BMP1: variants seen among roughly 807,000 people sequenced by gnomAD.
The protein encoded by BMP1 is bone morphogenetic protein 1, also known as mammalian tolloid protein.
Under a neutral mutation model 116.8 loss-of-function variants are expected in BMP1, and 63 were observed. The observed-to-expected ratio is 0.54, with a 90% CI of 0.44 to 0.67. The LOEUF (loss-of-function observed/expected upper bound fraction) is 0.67. Among genes scored for constraint, BMP1 ranks in the 30% least tolerant of loss-of-function variants. The pLI is 0.00. For synonymous variants in BMP1, 536 were observed against 533.4 expected (o/e 1.00, Z -0.07); for missense variants, 1,183 against 1,358.9 (o/e 0.87, Z 2.04).
At chr8:22,205,581 C>T (rs1189428822) in intron 16 of BMP1, among the ~76,000 whole-genome samples, 2 of 151,982 alleles carry the variant, frequency 1.3e-5, no homozygotes, top group Non-Finnish European at 2.9e-5. Flanking sequence ...TTGACATCAG[C>T]CTGGGCAACA....
chr8:22,197,591 T>G (rs1449826078), intron 15 of BMP1, among the ~76,000 whole-genome samples, 171 bp downstream of exon 15: 1 of 152,062 alleles, frequency 6.6e-6, no homozygotes, highest in Admixed American at 6.6e-5. Flanking sequence ...CCTTCCAGTA[T>G]CCAAATCTCA....
Position 22,211,678 on chromosome 8 carries a change from C to T in BMP1, c.2911C>T (p.Leu971=), listed in dbSNP as rs1829464329. Reference sequence around the variant, plus strand: ...CACCATCACCAAAAAAGGTTTCCACCTGCGATACACCAGCACCAAGTTCCA... The same window carrying T: ...CACCATCACCAAAAAAGGTTTCCACTTGCGATACACCAGCACCAAGTTCCA... ...DDTITKKGFH[L]RYTSTKFQDT... Residue 971 remains leucine, a synonymous_variant, in exon 20 of 20, where the codon CTG becomes TTG. Coordinates refer to ENST00000306385, the MANE Select transcript of BMP1 (RefSeq NM_006129.5). 6.2e-7 allele frequency: 1 copy of T among 1,614,182 alleles called. No homozygotes were observed. Among genetic ancestry groups the T allele is most frequent in the African/African-American group, 1.3e-5 (1 of 75,058 alleles).
Position 22,191,949 on chromosome 8 carries a change from A to T in BMP1, c.1078-100A>T. 4.7e-6 allele frequency: 5 copies of T among 1,062,358 alleles called. No homozygotes were observed. In the South Asian group the frequency reaches 5.7e-5, roughly 12 times the overall value. 65.8% of individuals were successfully genotyped at this position (1,062,358 alleles called of 1,614,324 possible). A position where few individuals can be genotyped will look rare whatever the true frequency, so the allele number is the denominator to read the frequency against. On this transcript the variant is annotated intron_variant, in intron 8 of 19. Coordinates refer to ENST00000306385, the MANE Select transcript of BMP1 (RefSeq NM_006129.5). ...AGCCCCTTAACTCTCGCCCAGGGGG[A>T]CCTGCCTCGCGTAAGGCGGGCGGTG...
intron 8 of BMP1, among the ~76,000 whole-genome samples, chr8:22,187,125 G>A (rs1295566687): frequency 4.0e-5 from 6 of 151,128 alleles, no homozygotes; most frequent in Admixed American, 6.6e-5. Context: ...CAAGTAACCG[G>A]GACTACTGGC....
chr8:22,172,040 C>T (rs1025687272), intron 1 of BMP1, among the ~76,000 whole-genome samples: 1 of 152,190 alleles, frequency 6.6e-6, no homozygotes, highest in Non-Finnish European at 1.5e-5. Context: ...CCTTGGGTGT[C>T]TGATTCTGTA....
chr8:22,192,044 C>A lies in BMP1; in HGVS notation c.1078-5C>A. On this transcript the variant is annotated splice_polypyrimidine_tract_variant and splice_region_variant and intron_variant, in intron 8 of 19. Transcript: ENST00000306385. ...CTTAACCCTCTTCCTCCCCTGTTGC[C>A]CTAGATCATCCTGAACTTCACGTCC... 1 of 1,612,054 alleles carries A rather than the reference C, an allele frequency of 6.2e-7. No homozygotes were observed. The highest frequency in any genetic ancestry group is 8.5e-7 in the Non-Finnish European group (1 of 1,178,246).
intron 12 of BMP1, among the ~76,000 whole-genome samples, 159 bp downstream of exon 12, chr8:22,195,078 G>A (rs926585422): frequency 6.6e-6 from 1 of 152,172 alleles, no homozygotes; most frequent in African/African-American, 2.4e-5. Context: ...GGGAGAAGAG[G>A]TCCCCCAATG....
chr8:22,187,939 C>G (rs1184081561), intron 8 of BMP1, among the ~76,000 whole-genome samples: 1 of 152,056 alleles, frequency 6.6e-6, no homozygotes, highest in Non-Finnish European at 1.5e-5. Context: ...GTTGATGGGC[C>G]TAAAGATCAT....
chr8:22,208,206 A>T (rs568605730), intron 18 of BMP1, among the ~76,000 whole-genome samples: 1 of 152,314 alleles, frequency 6.6e-6, no homozygotes, highest in East Asian at 1.9e-4. Context: ...ACTTATTGAC[A>T]TGTAACATGG....
chr8:22,184,936 C>G (rs531111686), intron 8 of BMP1, among the ~76,000 whole-genome samples: 3 of 152,188 alleles, frequency 2.0e-5, no homozygotes, highest in Non-Finnish European at 4.4e-5. Context: ...TCATTTGCCT[C>G]CCAATTCTCA....
chr8:22,207,566 G>T, intron 18 of BMP1, 50 bp downstream of exon 18: 1 of 1,594,234 alleles, frequency 6.3e-7, no homozygotes. Context: ...CTCCAAGACT[G>T]GGGTAGAGTC....
In BMP1 at chr8:22,173,618, C is replaced by T. The variant is rs370564756; in HGVS notation, c.165C>T (p.Asp55=). 3.1e-6 allele frequency: 5 copies of T among 1,611,898 alleles called. No individual in the cohort carries two copies. Among genetic ancestry groups the T allele is most frequent in the Non-Finnish European group, 4.2e-6 (5 of 1,179,070 alleles). The change falls in exon 2 of 20, where the codon GAC becomes GAT. Residue 55 remains aspartate, a synonymous_variant. Coordinates refer to ENST00000306385, the MANE Select transcript of BMP1 (RefSeq NM_006129.5). ...DPCKAAAFLG[D]IALDEEDLRA... ...TCTCTTTAGCTGCCTTTCTTGGGGACATTGCCCTGGACGAAGAGGACCTGA... is the reference window on the plus strand; with the variant it reads ...TCTCTTTAGCTGCCTTTCTTGGGGATATTGCCCTGGACGAAGAGGACCTGA...
Position 22,207,487 on chromosome 8 carries a change from G to A in BMP1, c.2546G>A (p.Arg849Gln), listed in dbSNP as rs201664686. The A allele has an allele frequency of 3.5e-5, 57 of 1,613,570 alleles. No homozygotes were observed. The highest frequency in any genetic ancestry group is 5.5e-5 in the South Asian group (5 of 91,084). ...TTCTACTCAGATAACTCGGTCCAGC[G>A]AAAGGGCTTCCAGGCCTCCCACGCC... ...LRFYSDNSVQRKGFQASHATE... is the reference protein window; with the variant it reads ...LRFYSDNSVQQKGFQASHATE... Residue 849 changes from arginine to glutamine, a missense_variant, in exon 18 of 20, where the codon CGA (arginine) becomes CAA (glutamine). Arg to Gln is a conservative substitution (Grantham distance 43, BLOSUM62 1). This residue lies in a region of BMP1 where 956 missense variants were observed against 1,135.2 expected (regional missense o/e 0.84). Transcript: ENST00000306385.
intron 1 of BMP1, 136 bp downstream of exon 1, chr8:22,165,689 A>G: frequency 5.5e-6 from 2 of 365,410 alleles, no homozygotes; most frequent in Admixed American, 6.5e-5. Context: ...GAACAAAAGA[A>G]CGAGGGGGAG....
intron 16 of BMP1, 112 bp from the exon 17 acceptor site, chr8:22,206,742 G>A: frequency 6.8e-7 from 1 of 1,477,064 alleles, no homozygotes. Context: ...GTTCATAAGT[G>A]GGACAAGAGA....
At position 22,194,741 on chromosome 8, in the gene BMP1, C is replaced by G; in HGVS notation, c.1461C>G (p.Ser487Arg). The change falls in exon 12 of 20, where the codon AGC (serine) becomes AGG (arginine). Residue 487 changes from serine to arginine, a missense_variant. Transcript: ENST00000306385. This position sits in a 1 kb window ranked among gnomAD's most constrained non-coding sequence, Gnocchi z 4.5. The stretch of plus-strand genomic sequence containing the variant: ...ACCCCTAGATTGAGCGCCACGACAG[C>G]TGTGCCTACGACTATCTGGAGGTGC... The part of the protein sequence containing the change: ...FQSFEIERHD[S>R]CAYDYLEVRD... The G allele has an allele frequency of 6.2e-7, 1 of 1,607,992 alleles. No individual in the cohort carries two copies. The highest frequency in any genetic ancestry group is 8.5e-7 in the Non-Finnish European group (1 of 1,176,732).
intron 8 of BMP1, among the ~76,000 whole-genome samples, chr8:22,182,923 G>A (rs189816455): frequency 2.4e-4 from 37 of 152,270 alleles, no homozygotes; most frequent in African/African-American, 6.3e-4. Flanking sequence ...GGTGCTCATG[G>A]GCTCTCCTCC....
At chr8:22,180,296 A>C (rs2131855395) in intron 7 of BMP1, 72 bp from the exon 8 acceptor site, 1 of 1,254,116 alleles carries the variant, frequency 8.0e-7, no homozygotes, top group African/African-American at 1.5e-5. Flanking sequence ...GCCAAGGTTC[A>C]GGGGTGGGTG....
chr8:22,180,007 T>C (rs1828566770), intron 7 of BMP1, among the ~76,000 whole-genome samples, 178 bp downstream of exon 7: 1 of 151,756 alleles, frequency 6.6e-6, no homozygotes, highest in Non-Finnish European at 1.5e-5. Flanking sequence ...GGGGGTAGGC[T>C]CAGGTGGGTG....
Sources: allele counts gnomAD v4.1 joint callset (sites outside exome capture counted in the v4.1 genomes callset), GRCh38; gene constraint gnomAD v4.1.1; regional missense constraint gnomAD v4.1.1; non-coding constraint Gnocchi (gnomAD v3.1); transcripts MANE v1.5; gene names NCBI Gene and HGNC (gene_info 2026-07-23, HGNC 2026-07-21).